Variants in MACROD2 observed in about 807,000 individuals in gnomAD.
MACROD2 encodes the protein mono-ADP ribosylhydrolase 2, also known as ADP-ribose glycohydrolase MACROD2.
A neutral mutation model predicts 70.4 loss-of-function variants in MACROD2; 36 were observed. The observed-to-expected ratio is 0.51, with a 90% CI of 0.39 to 0.68. The LOEUF (loss-of-function observed/expected upper bound fraction) is 0.68. MACROD2 is among the 30% of genes least tolerant of loss of function. MACROD2 has a pLI of 0.00. For synonymous variants in MACROD2, 172 were observed against 178.8 expected (o/e 0.96, Z 0.30); for missense variants, 496 against 538.4 (o/e 0.92, Z 0.78).
intron 2 of MACROD2, among the ~76,000 whole-genome samples, chr20:14,072,317 A>T (rs565330384): frequency 6.6e-6 from 1 of 152,186 alleles, no homozygotes; most frequent in South Asian, 2.1e-4. Context: ...AAAGGAAGAG[A>T]TAGGACTTAG....
chr20:15,326,484 A>G (rs1426498485), intron 6 of MACROD2, among the ~76,000 whole-genome samples: 1 of 152,154 alleles, frequency 6.6e-6, no homozygotes, highest in Admixed American at 6.6e-5. Context: ...TTTAAAATTT[A>G]TTAACAATTT....
intron 4 of MACROD2, among the ~76,000 whole-genome samples, chr20:14,592,967 T>C (rs1981877541): frequency 6.6e-6 from 1 of 152,176 alleles, no homozygotes; most frequent in African/African-American, 2.4e-5. Flanking sequence ...TATTACTCAA[T>C]ATATTAAGTC....
intron 3 of MACROD2, among the ~76,000 whole-genome samples, chr20:14,368,467 C>T (rs892188388): frequency 6.6e-5 from 10 of 151,558 alleles, no homozygotes; most frequent in East Asian, 1.9e-4. Context: ...GGCATGAACC[C>T]GGAAGGCAGA....
intron 8 of MACROD2, among the ~76,000 whole-genome samples, chr20:15,540,327 C>A (rs994023374): frequency 2.0e-5 from 3 of 152,150 alleles, no homozygotes; most frequent in African/African-American, 7.2e-5. Context: ...AGGATTTTTA[C>A]TAAAGGAATG....
chr20:15,151,969 G>C (rs1601146164), intron 5 of MACROD2, among the ~76,000 whole-genome samples: 1 of 151,910 alleles, frequency 6.6e-6, no homozygotes, highest in East Asian at 1.9e-4. Flanking sequence ...CGACGCTTGG[G>C]GTTGGGACTG....
At chr20:14,815,512 C>T (rs1216840406) in intron 5 of MACROD2, among the ~76,000 whole-genome samples, 4 of 151,908 alleles carry the variant, frequency 2.6e-5, no homozygotes, top group Admixed American at 6.6e-5. Context: ...TGTGTGCACG[C>T]ACATGTGCAT....
chr20:14,337,259 T>C, intron 3 of MACROD2: 1 of 231,278 alleles, frequency 4.3e-6, no homozygotes, highest in Non-Finnish European at 8.3e-6. Context: ...CATTGCTGGC[T>C]TGCACGCACA....
At chr20:14,234,687 C>G (rs1341375395) in intron 3 of MACROD2, among the ~76,000 whole-genome samples, 1 of 152,048 alleles carries the variant, frequency 6.6e-6, no homozygotes, top group South Asian at 2.1e-4. Flanking sequence ...AATAGCCCAC[C>G]TCATATCTCT....
At chr20:14,547,775 T>A (rs1483193195) in intron 4 of MACROD2, among the ~76,000 whole-genome samples, 3 of 152,210 alleles carry the variant, frequency 2.0e-5, no homozygotes, top group Non-Finnish European at 4.4e-5. Flanking sequence ...TCTCCTCGAT[T>A]GTGTACCTGA....
chr20:14,015,873 A>G (rs759775903), intron 2 of MACROD2, among the ~76,000 whole-genome samples: 2 of 152,334 alleles, frequency 1.3e-5, no homozygotes, highest in African/African-American at 4.8e-5. Flanking sequence ...TTATCCATTT[A>G]ACTGTTGGAT....
chr20:14,920,447 A>G (rs1042821512), intron 5 of MACROD2, among the ~76,000 whole-genome samples: 1 of 152,202 alleles, frequency 6.6e-6, no homozygotes, highest in African/African-American at 2.4e-5. Flanking sequence ...CTTTAACCAG[A>G]TACGTTGGAA....
At chr20:14,288,639 GTTC>G (rs1344134092) in intron 3 of MACROD2, among the ~76,000 whole-genome samples, 1 of 152,092 alleles carries the variant, frequency 6.6e-6, no homozygotes, top group African/African-American at 2.4e-5. Context: ...TCTTAACTTT[GTTC>G]TTTTCTGTCA....
chr20:15,707,446 A>G (rs1039113923), intron 8 of MACROD2, among the ~76,000 whole-genome samples: 1 of 152,156 alleles, frequency 6.6e-6, no homozygotes, highest in African/African-American at 2.4e-5. Flanking sequence ...AAGACTGTCC[A>G]TGCCCCCAGC....
intron 8 of MACROD2, among the ~76,000 whole-genome samples, chr20:15,854,424 T>C (rs1183014348): frequency 6.6e-6 from 1 of 152,072 alleles, no homozygotes; most frequent in Non-Finnish European, 1.5e-5. Flanking sequence ...CTGCAAGGGA[T>C]CAAATTCTGC....
chr20:15,318,178 A>C (rs2077835091), intron 6 of MACROD2, among the ~76,000 whole-genome samples: 1 of 152,166 alleles, frequency 6.6e-6, no homozygotes, highest in Non-Finnish European at 1.5e-5. Context: ...TCTACCACGA[A>C]AAGATCATAA....
At chr20:15,783,468 G>T (rs2051869975) in intron 8 of MACROD2, among the ~76,000 whole-genome samples, 1 of 152,022 alleles carries the variant, frequency 6.6e-6, no homozygotes, top group Non-Finnish European at 1.5e-5. Context: ...TCACTCTGGG[G>T]AGTCTCCAGT....
chr20:15,505,907 GT>G (rs1335886967), intron 8 of MACROD2, among the ~76,000 whole-genome samples: 29 of 152,142 alleles, frequency 1.9e-4, no homozygotes, highest in Admixed American at 5.9e-4. Flanking sequence ...CAAACAGATT[GT>G]TGTTCAAAAT....
At chr20:15,052,429 G>A (rs1479665729) in intron 5 of MACROD2, among the ~76,000 whole-genome samples, 1 of 152,174 alleles carries the variant, frequency 6.6e-6, no homozygotes, top group African/African-American at 2.4e-5. Flanking sequence ...CTCACTTTGT[G>A]CTCCTGTGTC....
At chr20:14,978,095 C>G (rs2074758711) in intron 5 of MACROD2, among the ~76,000 whole-genome samples, 1 of 152,096 alleles carries the variant, frequency 6.6e-6, no homozygotes, top group African/African-American at 2.4e-5. Context: ...TAAGCTGAAA[C>G]TAGAACCTAG....
Sources: gnomAD v4.1 joint callset for allele counts (sites outside exome capture counted in the v4.1 genomes callset) on GRCh38, gnomAD v4.1.1 for gene constraint, MANE v1.5 for transcripts, NCBI Gene and HGNC (gene_info 2026-07-23, HGNC 2026-07-21) for gene names.